Variants in MTF2 observed in about 807,000 individuals in gnomAD.
MTF2 encodes the protein metal-response element-binding transcription factor 2.
MTF2 carries 11 observed loss-of-function variants against 79.5 expected under a neutral mutation model. That is an observed-to-expected ratio of 0.14 (90% CI 0.09 to 0.23). The LOEUF (loss-of-function observed/expected upper bound fraction) is 0.23. Ranked by LOEUF, MTF2 falls within the 10% of genes least tolerant of loss-of-function variation. The pLI, the probability that MTF2 is intolerant of heterozygous loss-of-function variation, is 1.00. For missense variants in MTF2, 486 were observed against 711.2 expected (o/e 0.68, Z 3.60); for synonymous variants, 208 against 232.8 (o/e 0.89, Z 0.97).
intron 1 of MTF2, among the ~76,000 whole-genome samples, chr1:93,085,954 T>A (rs1264640867): frequency 6.6e-6 from 1 of 152,214 alleles, no homozygotes; most frequent in African/African-American, 2.4e-5. Flanking sequence ...TTATCAGTAT[T>A]ATGTATTGTA....
chr1:93,115,681 G>T, intron 6 of MTF2, 63 bp downstream of exon 6: 7 of 1,365,494 alleles, frequency 5.1e-6, no homozygotes, highest in Non-Finnish European at 6.8e-6. Flanking sequence ...TATTTTTCTT[G>T]ATTATGGTGT....
At chr1:93,130,969 A>C (rs943551353) in intron 11 of MTF2, among the ~76,000 whole-genome samples, 18 of 151,972 alleles carry the variant, frequency 1.2e-4, no homozygotes, top group East Asian at 3.9e-4. Flanking sequence ...ACACACACAC[A>C]CCCTCATACA....
At chr1:93,107,571 T>A (rs1655847490) in intron 1 of MTF2, among the ~76,000 whole-genome samples, 1 of 152,244 alleles carries the variant, frequency 6.6e-6, no homozygotes, top group Admixed American at 6.5e-5. Flanking sequence ...AAGGCACTTG[T>A]GCCATTGTTT....
At chr1:93,123,793 T>G (rs1367425241) in intron 9 of MTF2, among the ~76,000 whole-genome samples, 1 of 141,532 alleles carries the variant, frequency 7.1e-6, no homozygotes, top group Non-Finnish European at 1.5e-5. Flanking sequence ...AAGGAAGCAC[T>G]GTGACTGTTT....
At chr1:93,095,999 T>A (rs956719220) in intron 1 of MTF2, among the ~76,000 whole-genome samples, 7 of 152,182 alleles carry the variant, frequency 4.6e-5, no homozygotes, top group African/African-American at 1.4e-4. Context: ...GTCTTTTGAG[T>A]CTTGTGTCAA....
intron 1 of MTF2, among the ~76,000 whole-genome samples, chr1:93,106,506 A>G (rs900386155): frequency 3.5e-4 from 50 of 142,670 alleles, no homozygotes; most frequent in African/African-American, 1.1e-3. Flanking sequence ...TCAAGTGAAC[A>G]CTGAACTTAA....
Position 93,115,509 on chromosome 1 carries a change from T to C in MTF2, c.523T>C (p.Leu175=), listed in dbSNP as rs780838627. The change falls in exon 6 of 15, where the codon TTG becomes CTG. Residue 175 remains leucine, a synonymous_variant. Coordinates refer to ENST00000370298, the MANE Select transcript of MTF2 (RefSeq NM_007358.4). ...ALKKGPNAKA[L]QVMKQTLPYS... is the part of the protein sequence containing the mutation. ...TAAGAAAGGACCAAATGCCAAAGCA[T>C]TGCAAGTCATGAAGCAGACATTACC... The C allele has an allele frequency of 1.9e-6, 3 of 1,608,162 alleles. No individual in the cohort carries two copies. The highest frequency in any genetic ancestry group is 1.7e-4 in the Middle Eastern group (1 of 6,038).
chr1:93,109,326 C>A (rs989042737), intron 1 of MTF2, among the ~76,000 whole-genome samples: 1 of 151,802 alleles, frequency 6.6e-6, no homozygotes, highest in Admixed American at 6.6e-5. Flanking sequence ...AGTGTACTTT[C>A]CTTTTTTTTT....
intron 6 of MTF2, among the ~76,000 whole-genome samples, chr1:93,117,144 G>A (rs1656281271): frequency 6.6e-6 from 1 of 152,170 alleles, no homozygotes; most frequent in African/African-American, 2.4e-5. Context: ...GTATAGCTCT[G>A]TTTGGAAATG....
chr1:93,108,386 T>G (rs1442030639), intron 1 of MTF2, among the ~76,000 whole-genome samples: 1 of 152,208 alleles, frequency 6.6e-6, no homozygotes, highest in Non-Finnish European at 1.5e-5. Flanking sequence ...AATTCAGTTT[T>G]TGTTTATCTG....
chr1:93,095,043 G>T (rs769943897), intron 1 of MTF2, among the ~76,000 whole-genome samples: 1 of 152,002 alleles, frequency 6.6e-6, no homozygotes, highest in South Asian at 2.1e-4. Context: ...ACATGGTCTT[G>T]CTCTGTTACC....
intron 1 of MTF2, among the ~76,000 whole-genome samples, chr1:93,081,439 C>G (rs961688430): frequency 8.5e-5 from 13 of 152,116 alleles, no homozygotes; most frequent in African/African-American, 3.1e-4. Flanking sequence ...AGAAATTTGC[C>G]TCTGAGGAGT....
Position 93,133,963 on chromosome 1 carries a change from T to G in MTF2, c.1302T>G (p.Asp434Glu). 1 of 1,581,526 alleles carries G rather than the reference T, an allele frequency of 6.3e-7. No individual in the cohort carries two copies. Among genetic ancestry groups the G allele is most frequent in the Non-Finnish European group, 8.7e-7 (1 of 1,153,676 alleles). The stretch of plus-strand genomic sequence containing the variant: ...CAATTTCAGAGAATCCTACTTTGGA[T>G]TTACCTTGTTCTATAGGGTAAATAG... Reference protein sequence around the residue: ...KESISENPTLDLPCSIGRTEG... With the variant: ...KESISENPTLELPCSIGRTEG... The change falls in exon 13 of 15, where the codon GAT becomes GAG. Residue 434 changes from aspartate (D) to glutamate (E), a missense_variant. Around this residue, in one of 4 missense-constraint regions of MTF2, gnomAD observed 209 missense variants for 206.5 expected, o/e 1.01. Coordinates refer to ENST00000370298, the MANE Select transcript of MTF2 (RefSeq NM_007358.4).
intron 1 of MTF2, among the ~76,000 whole-genome samples, chr1:93,085,037 G>A (rs1310912433): frequency 6.6e-6 from 1 of 152,088 alleles, no homozygotes; most frequent in Non-Finnish European, 1.5e-5. Flanking sequence ...AGGATTTTTT[G>A]ATAGTAGTTA....
chr1:93,108,856 A>T (rs1373149122), intron 1 of MTF2, among the ~76,000 whole-genome samples: 2 of 152,136 alleles, frequency 1.3e-5, no homozygotes, highest in Admixed American at 6.6e-5. Context: ...GTTGGCCGCC[A>T]TTCTGTTTTC....
In MTF2 at chr1:93,137,052, C is replaced by T; in HGVS notation, c.*25C>T. The T allele has an allele frequency of 6.4e-7, 1 of 1,562,198 alleles. No homozygotes were observed. On this transcript the variant is annotated 3_prime_UTR_variant, in exon 15 of 15. Transcript: ENST00000370298. ...ACTGTAGGACTGAACATTATGTTCA[C>T]TGCACTCTGATTTTCTGTAGGTACA...
rs187476089 is a variant in MTF2 at position 93,097,071 on chromosome 1, A to G, written c.6-13159A>G. On this transcript the variant is annotated intron_variant, in intron 1 of 14. Coordinates refer to ENST00000370298, the MANE Select transcript of MTF2 (RefSeq NM_007358.4). The stretch of plus-strand genomic sequence containing the variant: ...ATGATCTGCCCACCTTGGCCTCCCA[A>G]GGTGCTGGGATTACAGGCCTGAGCC... 3.6e-3 allele frequency among the ~76,000 whole-genome samples: 545 copies of G among 152,170 alleles called. 11 individuals are homozygous for G. Among genetic ancestry groups the G allele is most frequent in the Non-Finnish European group, 1.9e-3 (129 of 68,000 alleles).
chr1:93,097,351 A>G (rs1367024041), intron 1 of MTF2, among the ~76,000 whole-genome samples: 3 of 152,052 alleles, frequency 2.0e-5, no homozygotes, highest in Admixed American at 1.3e-4. Context: ...CCCCCATACC[A>G]TCTTCCCAGT....
At chr1:93,105,632 A>G (rs911647406) in intron 1 of MTF2, among the ~76,000 whole-genome samples, 1 of 152,114 alleles carries the variant, frequency 6.6e-6, no homozygotes, top group African/African-American at 2.4e-5. Flanking sequence ...ATAGGGACCC[A>G]AAAATGATTT....
Sources: allele counts gnomAD v4.1 joint callset (sites outside exome capture counted in the v4.1 genomes callset), GRCh38; gene constraint gnomAD v4.1.1; regional missense constraint gnomAD v4.1.1; transcripts MANE v1.5; gene names NCBI Gene and HGNC (gene_info 2026-07-23, HGNC 2026-07-21).